The following KMT5B variants were observed in gnomAD, a reference collection of about 807,000 sequenced individuals.
KMT5B encodes the protein histone-lysine N-methyltransferase KMT5B.
In KMT5B, 10 loss-of-function variants were observed where a neutral mutation model predicts 83.2. The ratio of observed to expected loss-of-function variants is 0.12; its 90% CI spans 0.07 to 0.20. The LOEUF (loss-of-function observed/expected upper bound fraction) is 0.20. Among genes scored for constraint, KMT5B ranks in the 10% least tolerant of loss-of-function variants. KMT5B has a pLI of 1.00. For synonymous variants in KMT5B, 349 were observed against 388.8 expected (o/e 0.90, Z 1.20); for missense variants, 753 against 1,067.2 (o/e 0.71, Z 4.10).
intron 1 of KMT5B, among the ~76,000 whole-genome samples, chr11:68,205,584 A>G (rs930752109): frequency 6.6e-6 from 1 of 151,886 alleles, no homozygotes; most frequent in African/African-American, 2.4e-5. Flanking sequence ...GGAGCAAACT[A>G]TCCACTACTG....
rs1856241277 is a variant in KMT5B at position 68,175,254 on chromosome 11, C to T, written c.378-71G>A. The T allele has an allele frequency of 5.5e-6, 7 of 1,265,860 alleles. 1 individual carries two copies. The South Asian group carries it at 9.5e-5, about 17-fold the overall frequency. The allele number at this position is 1,265,860 out of a possible 1,614,324, so 78.4% of individuals were successfully genotyped here. On this transcript the variant is annotated intron_variant, in intron 4 of 10. Transcript: ENST00000304363. ...GCGCCACTGATCCATCTTAACAGAT[C>T]TTGAGAAAGAGCTAATACCCTAAAA... is the stretch of plus-strand genomic sequence containing the variant.
At chr11:68,177,587 AT>A (rs757780614) in intron 4 of KMT5B, among the ~76,000 whole-genome samples, 4 of 150,156 alleles carry the variant, frequency 2.7e-5, no homozygotes, top group African/African-American at 7.3e-5. Context: ...CACTCTAGTC[AT>A]TTTTTTTTTA....
intron 2 of KMT5B, among the ~76,000 whole-genome samples, chr11:68,186,284 G>T (rs1857431433): frequency 6.6e-6 from 1 of 152,092 alleles, no homozygotes; most frequent in South Asian, 2.1e-4. Flanking sequence ...CAATACACAG[G>T]GCCATTACAG....
chr11:68,210,034 G>C (rs1448618869), intron 1 of KMT5B, among the ~76,000 whole-genome samples: 1 of 152,076 alleles, frequency 6.6e-6, no homozygotes, highest in Non-Finnish European at 1.5e-5. Flanking sequence ...TTTTAGTAGA[G>C]ACGGGGTTTC....
intron 1 of KMT5B, among the ~76,000 whole-genome samples, chr11:68,203,446 CT>C (rs1859703733): frequency 6.6e-6 from 1 of 152,220 alleles, no homozygotes; most frequent in South Asian, 2.1e-4. Context: ...CCAAATCGGT[CT>C]TTATCAATGG....
chr11:68,206,146 CA>C (rs1179636902), intron 1 of KMT5B, among the ~76,000 whole-genome samples: 2 of 152,128 alleles, frequency 1.3e-5, no homozygotes, highest in Non-Finnish European at 2.9e-5. Context: ...GGAAAGTCCT[CA>C]AAAAAACTTC....
chr11:68,209,322 T>G (rs921611986), intron 1 of KMT5B, among the ~76,000 whole-genome samples: 1 of 152,180 alleles, frequency 6.6e-6, no homozygotes, highest in Non-Finnish European at 1.5e-5. Flanking sequence ...ATACTGGTCA[T>G]GTCCAGGGAA....
intron 3 of KMT5B, among the ~76,000 whole-genome samples, chr11:68,184,363 C>A (rs1857230623): frequency 6.6e-6 from 1 of 151,812 alleles, no homozygotes; most frequent in East Asian, 1.9e-4. Flanking sequence ...CAGAGTGAGA[C>A]TCCATCTAAA....
At chr11:68,198,459 AG>A (rs1230781718) in intron 1 of KMT5B, among the ~76,000 whole-genome samples, 4 of 112,218 alleles carry the variant, frequency 3.6e-5, no homozygotes, top group African/African-American at 8.6e-5. Flanking sequence ...AGACAAGACA[AG>A]ACAAGACAAG....
chr11:68,166,165 G>A, intron 10 of KMT5B: 4 of 1,369,176 alleles, frequency 2.9e-6, no homozygotes, highest in East Asian at 2.7e-5. Flanking sequence ...TACTGCTTTA[G>A]TGGCAACTAC....
rs1859506024 is a variant in KMT5B, at chr11:68,158,844, T to G, written c.1502A>C (p.Gln501Pro). The change falls in exon 11 of 11, where the codon CAA becomes CCA. Residue 501 changes from glutamine to proline, a missense_variant. Around this residue, in one of 9 missense-constraint regions of KMT5B, gnomAD observed 397 missense variants for 395.9 expected, o/e 1.00. Transcript: ENST00000304363. ...KKDKEPEGPAQAAVASGCLTR... is the reference protein window; with the variant it reads ...KKDKEPEGPAPAAVASGCLTR... ...CAAGCACCCGCTGGCAACTGCGGCT[T>G]GGGCTGGTCCCTCTGGCTCCTTATC... 1.9e-6 allele frequency: 3 copies of G among 1,614,194 alleles called. No homozygotes were observed. The highest frequency in any genetic ancestry group is 2.7e-5 in the African/African-American group (2 of 75,060).
intron 3 of KMT5B, among the ~76,000 whole-genome samples, chr11:68,181,873 G>C (rs764447171): frequency 6.6e-6 from 1 of 152,194 alleles, no homozygotes; most frequent in Non-Finnish European, 1.5e-5. Flanking sequence ...GGAACACTCT[G>C]GTGGGAAGTA....
At chr11:68,192,955 T>C (rs1223793071) in intron 1 of KMT5B, among the ~76,000 whole-genome samples, 1 of 152,248 alleles carries the variant, frequency 6.6e-6, no homozygotes, top group Middle Eastern at 3.2e-3. Context: ...CCGATTGATC[T>C]GAATAGTGGG....
At chr11:68,175,391 C>T (rs1246304069) in intron 4 of KMT5B, among the ~76,000 whole-genome samples, 1 of 152,136 alleles carries the variant, frequency 6.6e-6, no homozygotes, top group Non-Finnish European at 1.5e-5. Context: ...TCTCTTTTTT[C>T]AATCTGTTAT....
intron 1 of KMT5B, among the ~76,000 whole-genome samples, chr11:68,196,739 T>TA (rs1858761174): frequency 6.6e-6 from 1 of 151,930 alleles, no homozygotes; most frequent in Non-Finnish European, 1.5e-5. Context: ...GTTTACTCCC[T>TA]AGTCCTTGAC....
rs1859230761 is a variant in KMT5B, at chr11:68,155,552, T to A, written c.*2136A>T. ...GCTATCGTTGGTATTCAAATAAGGT[T>A]TAAGATTTAGTCTCTGAACCTCTTC... is the stretch of plus-strand genomic sequence containing the variant. On this transcript the variant is annotated 3_prime_UTR_variant, in exon 11 of 11. Coordinates refer to ENST00000304363, the MANE Select transcript of KMT5B (RefSeq NM_017635.5). 1 of 152,174 alleles carries A rather than the reference T, an allele frequency of 6.6e-6. No homozygotes were observed. Among genetic ancestry groups the A allele is most frequent in the Admixed American group, 6.5e-5 (1 of 15,280 alleles). 9.4% of individuals were successfully genotyped at this position (152,174 alleles called of 1,614,324 possible).
Position 68,165,954 on chromosome 11 carries a change from G to A in KMT5B, c.1174+1028C>T, listed in dbSNP as rs2153046309. 2.5e-6 allele frequency: 4 copies of A among 1,612,896 alleles called. No homozygotes were observed. In the South Asian group the frequency reaches 3.3e-5, roughly 13 times the overall value. On this transcript the variant is annotated intron_variant, in intron 10 of 10. Transcript: ENST00000304363. ...TCCCTTTTCTTCAGGATTCTCTGTA[G>A]TGGAAGAGAGCACCCAGTGTTGGGC...
chr11:68,190,565 A>G (rs531546130), intron 1 of KMT5B, among the ~76,000 whole-genome samples: 15 of 152,364 alleles, frequency 9.8e-5, no homozygotes, highest in Admixed American at 3.9e-4. Context: ...CAGAGGGAGA[A>G]GACAGTGATA....
At chr11:68,191,674 G>T (rs989474509) in intron 1 of KMT5B, among the ~76,000 whole-genome samples, 1 of 152,060 alleles carries the variant, frequency 6.6e-6, no homozygotes, top group Non-Finnish European at 1.5e-5. Flanking sequence ...TGTATTTTAA[G>T]CCAAGTATTA....
Sources: gnomAD v4.1 joint callset for allele counts (sites outside exome capture counted in the v4.1 genomes callset) on GRCh38, gnomAD v4.1.1 for gene constraint, gnomAD v4.1.1 regional missense constraint, MANE v1.5 for transcripts, NCBI Gene and HGNC (gene_info 2026-07-23, HGNC 2026-07-21) for gene names.